The following SMAD3 variants were observed in gnomAD, a reference collection of about 807,000 sequenced individuals.
SMAD3 encodes MAD homolog 3.
In SMAD3, 12 loss-of-function variants were observed where a neutral mutation model predicts 51.8. That is an observed-to-expected ratio of 0.23 (90% CI 0.15 to 0.38). The LOEUF (loss-of-function observed/expected upper bound fraction) is 0.38. Among genes scored for constraint, SMAD3 ranks in the 10% least tolerant of loss-of-function variants. The pLI is 1.00. For missense variants in SMAD3, 294 were observed against 565.6 expected, an observed-to-expected ratio of 0.52 and a Z score of 4.87; for synonymous variants, 238 against 227.7, an observed-to-expected ratio of 1.05 and a Z score of -0.41.
chr15:67,187,623 A>C (rs1267690173), intron 8 of SMAD3, 114 bp downstream of exon 8: 5 of 1,357,870 alleles, frequency 3.7e-6, no homozygotes, highest in Non-Finnish European at 5.3e-6. Context: ...CAAGAGCAGA[A>C]AGACCAAAGA....
At chr15:67,071,268 G>A (rs911210353) in intron 1 of SMAD3, among the ~76,000 whole-genome samples, 4 of 152,170 alleles carry the variant, frequency 2.6e-5, no homozygotes, top group Non-Finnish European at 4.4e-5. Flanking sequence ...GGTACATGGG[G>A]ATAGTTCCCT....
chr15:67,075,657 A>G (rs1474598664), intron 1 of SMAD3, among the ~76,000 whole-genome samples: 2 of 152,154 alleles, frequency 1.3e-5, no homozygotes, highest in South Asian at 2.1e-4. Context: ...GCTCATGCCT[A>G]TAATCCCAGC....
rs1959906928 is a variant in SMAD3 at position 67,066,099 on chromosome 15, C to G, written c.-56C>G. 2.8e-6 allele frequency: 4 copies of G among 1,409,272 alleles called. No homozygotes were observed. The highest frequency in any genetic ancestry group is 2.5e-5 in the South Asian group (2 of 80,410). The allele number at this position is 1,409,272 out of a possible 1,614,324, so 87.3% of individuals were successfully genotyped here. A position where few individuals can be genotyped will look rare whatever the true frequency, so the allele number is the denominator to read the frequency against. The stretch of plus-strand genomic sequence containing the variant: ...GCTCCCCTCTGCGCCCCCGGCGTCC[C>G]GTCGAGCCCAGCCCCGCCGGGGGCG... On this transcript the variant is annotated 5_prime_UTR_variant, in exon 1 of 9. Transcript: ENST00000327367.
At chr15:67,152,575 T>C (rs1211816345) in intron 1 of SMAD3, among the ~76,000 whole-genome samples, 1 of 152,198 alleles carries the variant, frequency 6.6e-6, no homozygotes, top group Non-Finnish European at 1.5e-5. Context: ...CATCAGAACG[T>C]TGCCAAGGGC....
intron 1 of SMAD3, among the ~76,000 whole-genome samples, chr15:67,113,552 TACA>T (rs1309798241): frequency 1.3e-5 from 2 of 152,348 alleles, no homozygotes; most frequent in South Asian, 2.1e-4. Context: ...TTAATGTTAG[TACA>T]ACAACTAATA....
chr15:67,121,921 G>A (rs763342991), intron 1 of SMAD3, among the ~76,000 whole-genome samples: 8 of 152,170 alleles, frequency 5.3e-5, no homozygotes, highest in Non-Finnish European at 1.0e-4. Flanking sequence ...TATATTGTCC[G>A]ATACCTATCC....
chr15:67,071,539 G>A (rs1255999811), intron 1 of SMAD3, among the ~76,000 whole-genome samples: 3 of 152,180 alleles, frequency 2.0e-5, no homozygotes, highest in South Asian at 4.1e-4. Context: ...GGCTGGGCAC[G>A]GTGGCTCACA....
At position 67,169,469 on chromosome 15, in the gene SMAD3, G is replaced by T. The variant is rs112660368; in HGVS notation, c.608-1085G>T. ...GGGGTGGAATTAGACCCCATAGGGT[G>T]GTTAACAAATAGTCTCCTTTTTTAT... On this transcript the variant is annotated intron_variant, in intron 4 of 8. Transcript: ENST00000327367. Among the ~76,000 whole-genome samples, 12 of 152,144 alleles carry T rather than the reference G, an allele frequency of 7.9e-5. 1 individual carries two copies. Among genetic ancestry groups the T allele is most frequent in the African/African-American group, 2.9e-4 (12 of 41,506 alleles).
chr15:67,071,729 G>A (rs545577572), intron 1 of SMAD3, among the ~76,000 whole-genome samples: 3 of 152,238 alleles, frequency 2.0e-5, no homozygotes, highest in African/African-American at 7.2e-5. Context: ...AGAGAATGGC[G>A]TGAACCCAGG....
Position 67,135,625 on chromosome 15 carries a change from T to C in SMAD3, c.207-29270T>C, listed in dbSNP as rs79403558. 2.9e-3 allele frequency among the ~76,000 whole-genome samples: 442 copies of C among 152,324 alleles called. 16 individuals carry two copies. In the East Asian group the frequency reaches 0.063, roughly 22 times the overall value. ...CAAGTTAATACATTGCTGTGTATACTCTCAGGCCAAGAATTTCCTCAGTGT... is the reference window on the plus strand; with the variant it reads ...CAAGTTAATACATTGCTGTGTATACCCTCAGGCCAAGAATTTCCTCAGTGT... On this transcript the variant is annotated intron_variant, in intron 1 of 8. Transcript: ENST00000327367.
At chr15:67,182,998 A>ATATATATATATATATAT (rs1444218521) in intron 6 of SMAD3, among the ~76,000 whole-genome samples, 2 of 49,076 alleles carry the variant, frequency 4.1e-5, no homozygotes, top group African/African-American at 1.8e-4. Context: ...AAAAAAAAAA[A>ATATATATATATATATAT]AAATATATAT....
chr15:67,161,390 G>T (rs565973970), intron 1 of SMAD3, among the ~76,000 whole-genome samples: 2 of 152,220 alleles, frequency 1.3e-5, no homozygotes, highest in South Asian at 4.2e-4. Context: ...TACTACTAAG[G>T]CAAGAGGGCC....
At chr15:67,094,004 G>A (rs1960562770) in intron 1 of SMAD3, among the ~76,000 whole-genome samples, 1 of 152,346 alleles carries the variant, frequency 6.6e-6, no homozygotes, top group African/African-American at 2.4e-5. Context: ...ATCTGAACCC[G>A]GATTGCATTT....
intron 1 of SMAD3, among the ~76,000 whole-genome samples, chr15:67,111,554 G>A (rs1842713838): frequency 6.6e-6 from 1 of 152,116 alleles, no homozygotes; most frequent in Non-Finnish European, 1.5e-5. Context: ...TTACCTTTTT[G>A]AGAAACTGCC....
At chr15:67,099,741 C>G (rs1195995966) in intron 1 of SMAD3, among the ~76,000 whole-genome samples, 2 of 152,214 alleles carry the variant, frequency 1.3e-5, no homozygotes, top group African/African-American at 4.8e-5. Flanking sequence ...TGAATGCTAA[C>G]TGATTGCACA....
intron 5 of SMAD3, among the ~76,000 whole-genome samples, chr15:67,173,068 A>G (rs1481397490): frequency 6.6e-6 from 1 of 152,146 alleles, no homozygotes; most frequent in East Asian, 1.9e-4. Flanking sequence ...AGGACCAAAA[A>G]TGATTCTAAA....
At position 67,166,799 on chromosome 15, in the gene SMAD3, C is replaced by G; in HGVS notation, c.553C>G (p.Leu185Val). The G allele has an allele frequency of 2.5e-6, 4 of 1,596,832 alleles. No homozygotes were observed. The highest frequency in any genetic ancestry group is 3.4e-6 in the Non-Finnish European group (4 of 1,171,340). ...NIPETPPPGY[L>V]SEDGETSDHQ... ...CCCAGAGACCCCACCCCCTGGCTAC[C>G]TGAGTGAAGATGGAGAAACCAGTGA... The change falls in exon 4 of 9, where the codon CTG (leucine) becomes GTG (valine). Residue 185 changes from leucine to valine, a missense_variant. Coordinates refer to ENST00000327367, the MANE Select transcript of SMAD3 (RefSeq NM_005902.4).
At chr15:67,095,757 A>G (rs1175977091) in intron 1 of SMAD3, among the ~76,000 whole-genome samples, 2 of 152,046 alleles carry the variant, frequency 1.3e-5, no homozygotes, top group African/African-American at 4.8e-5. Context: ...CTGGTCTCGA[A>G]CTCCTGACCT....
At chr15:67,121,593 GCT>G (rs375744550) in intron 1 of SMAD3, among the ~76,000 whole-genome samples, 3 of 152,058 alleles carry the variant, frequency 2.0e-5, no homozygotes, top group African/African-American at 7.2e-5. Flanking sequence ...GCTGAAAACG[GCT>G]CTCTTTTATC....
Sources: gnomAD v4.1 joint callset for allele counts (sites outside exome capture counted in the v4.1 genomes callset) on GRCh38, gnomAD v4.1.1 for gene constraint, MANE v1.5 for transcripts, NCBI Gene and HGNC (gene_info 2026-07-23, HGNC 2026-07-21) for gene names.